Variants in C13orf42 observed in about 807,000 individuals in gnomAD.
The protein encoded by C13orf42 is uncharacterized protein C13orf42.
At chr13:51,120,492 G>A (rs928492922) in intron 1 of C13orf42, among the ~76,000 whole-genome samples, 1 of 152,108 alleles carries the variant, frequency 6.6e-6, no homozygotes, top group African/African-American at 2.4e-5. Flanking sequence ...ATAAATATGT[G>A]TTAAATGAGA....
chr13:51,161,919 C>T, intron 1 of C13orf42: 1 of 493,700 alleles, frequency 2.0e-6, no homozygotes, highest in Non-Finnish European at 4.0e-6. Flanking sequence ...CAGGTAAAGG[C>T]ACCTGGCTGA....
At chr13:51,092,768 G>C (rs1283461873) in intron 1 of C13orf42, among the ~76,000 whole-genome samples, 2 of 151,998 alleles carry the variant, frequency 1.3e-5, no homozygotes, top group Non-Finnish European at 2.9e-5. Flanking sequence ...TTGTGAAGCT[G>C]AGAAGTACAT....
At chr13:51,127,061 G>T (rs933508887) in intron 1 of C13orf42, among the ~76,000 whole-genome samples, 2 of 152,180 alleles carry the variant, frequency 1.3e-5, no homozygotes, top group Non-Finnish European at 2.9e-5. Flanking sequence ...CAGCTACTCA[G>T]GAAGCTCAGG....
intron 1 of C13orf42, among the ~76,000 whole-genome samples, chr13:51,152,957 GGTTGATGTTTT>G (rs1258928437): frequency 6.6e-6 from 1 of 152,076 alleles, no homozygotes; most frequent in African/African-American, 2.4e-5. Flanking sequence ...CCTGCTGCGG[GGTTGATGTTTT>G]GTTATGTTTC....
intron 1 of C13orf42, among the ~76,000 whole-genome samples, chr13:51,120,798 G>A (rs1424765428): frequency 6.6e-6 from 1 of 152,172 alleles, no homozygotes; most frequent in Non-Finnish European, 1.5e-5. Flanking sequence ...TGCATCACTT[G>A]AGGTCAGGGG....
At chr13:51,109,058 A>G (rs905841100) in intron 1 of C13orf42, among the ~76,000 whole-genome samples, 1 of 152,254 alleles carries the variant, frequency 6.6e-6, no homozygotes, top group Non-Finnish European at 1.5e-5. Flanking sequence ...AAAGGAGTCC[A>G]GAAACCACTG....
chr13:51,136,657 A>G (rs1228654829), intron 1 of C13orf42, among the ~76,000 whole-genome samples: 1 of 152,164 alleles, frequency 6.6e-6, no homozygotes, highest in Admixed American at 6.5e-5. Context: ...TCCACAAAGG[A>G]AGAGGACCAC....
chr13:51,155,599 G>T (rs1953818384), intron 1 of C13orf42, among the ~76,000 whole-genome samples: 1 of 152,170 alleles, frequency 6.6e-6, no homozygotes, highest in South Asian at 2.1e-4. Context: ...CTCAATCTCT[G>T]CTCCTGGTCC....
At chr13:51,116,070 TA>T (rs575782502), upstream of C13orf42, among the ~76,000 whole-genome samples, 2,168 of 139,984 alleles carry the variant, frequency 0.015, 13 homozygotes, top group South Asian at 0.021. Context: ...AAACCTCTAA[TA>T]AAAAAAAAAA....
At chr13:51,161,928 G>T in intron 1 of C13orf42, 1 of 492,818 alleles carries the variant, frequency 2.0e-6, no homozygotes, top group South Asian at 1.5e-5. Flanking sequence ...GCACCTGGCT[G>T]ACCATCAGTG....
upstream of C13orf42, among the ~76,000 whole-genome samples, chr13:51,111,978 A>G (rs1412535285): frequency 6.6e-6 from 1 of 152,258 alleles, no homozygotes; most frequent in African/African-American, 2.4e-5. Flanking sequence ...GCACAGAAGC[A>G]TCAGTGAGCT....
intron 1 of C13orf42, among the ~76,000 whole-genome samples, chr13:51,144,927 G>A (rs547268224): frequency 1.3e-5 from 2 of 152,250 alleles, no homozygotes; most frequent in South Asian, 2.1e-4. Flanking sequence ...ATTAGGCCAA[G>A]TATAATAAGC....
At chr13:51,135,091 G>T (rs1022530535) in intron 1 of C13orf42, among the ~76,000 whole-genome samples, 1 of 152,228 alleles carries the variant, frequency 6.6e-6, no homozygotes, top group African/African-American at 2.4e-5. Flanking sequence ...CCTCTTGGGA[G>T]CCAGTTTTCA....
chr13:51,129,941 C>T (rs527775635), intron 1 of C13orf42, among the ~76,000 whole-genome samples: 3 of 152,148 alleles, frequency 2.0e-5, no homozygotes, highest in Non-Finnish European at 4.4e-5. Flanking sequence ...AACCATGTGG[C>T]CTTGCTTTCT....
At chr13:51,096,499 T>C (rs1166790706) in intron 1 of C13orf42, among the ~76,000 whole-genome samples, 1 of 152,240 alleles carries the variant, frequency 6.6e-6, no homozygotes, top group Non-Finnish European at 1.5e-5. Flanking sequence ...CTTTAGTTCA[T>C]ATTTGTATCT....
chr13:51,150,961 GTACAGAGCTGTAGAATC>G (rs1164637702), intron 1 of C13orf42, among the ~76,000 whole-genome samples: 1 of 152,220 alleles, frequency 6.6e-6, no homozygotes. Flanking sequence ...GCCACAGCAA[GTACAGAGCTGTAGAATC>G]TTCAACTCTT....
chr13:51,092,827 AC>A (rs1371176813), intron 1 of C13orf42, among the ~76,000 whole-genome samples: 1 of 152,138 alleles, frequency 6.6e-6, no homozygotes, highest in East Asian at 1.9e-4. Flanking sequence ...ATTTTTCAAT[AC>A]AAAAACTATA....
rs181715873 is a variant in C13orf42 at position 51,145,016 on chromosome 13, A to C, written n.136+27237T>G. ...AAAAATTGTTTCAAAATGATTGTAC[A>C]CCTGTTGCTAGATTCTAGTCTTGCC... On this transcript the variant is annotated intron_variant and non_coding_transcript_variant, in intron 1 of 4. Coordinates refer to the C13orf42 transcript ENST00000433280. Among the ~76,000 whole-genome samples, 15 of 152,292 alleles carry C rather than the reference A, an allele frequency of 9.8e-5. No homozygotes were observed. In the East Asian group the frequency reaches 2.3e-3, roughly 24 times the overall value.
At chr13:51,098,500 C>G (rs1953257894) in intron 1 of C13orf42, among the ~76,000 whole-genome samples, 1 of 152,138 alleles carries the variant, frequency 6.6e-6, no homozygotes, top group African/African-American at 2.4e-5. Flanking sequence ...CATTTTCTAT[C>G]TCATTGGATA....
Sources: allele counts gnomAD v4.1 joint callset (sites outside exome capture counted in the v4.1 genomes callset), GRCh38; gene constraint gnomAD v4.1.1; transcripts MANE v1.5; gene names NCBI Gene and HGNC (gene_info 2026-07-23, HGNC 2026-07-21).